ATXN2: variants seen among roughly 807,000 people sequenced by gnomAD.
ATXN2 encodes the protein ataxin 2, also known as ataxin-2.
A neutral mutation model predicts 138.6 loss-of-function variants in ATXN2; 37 were observed. That is an observed-to-expected ratio of 0.27 (90% CI 0.21 to 0.35). ATXN2 has a LOEUF of 0.35. ATXN2 is among the 10% of genes least tolerant of loss of function. The pLI, the probability that ATXN2 is intolerant of heterozygous loss-of-function variation, is 1.00. For synonymous variants in ATXN2, 549 were observed against 543.7 expected (o/e 1.01, Z -0.13); for missense variants, 1,216 against 1,480.3 (o/e 0.82, Z 2.93).
intron 6 of ATXN2, 45 bp downstream of exon 6, chr12:111,525,147 T>A: frequency 2.5e-6 from 4 of 1,576,404 alleles, no homozygotes; most frequent in Non-Finnish European, 3.4e-6. Flanking sequence ...TGACAGGATG[T>A]CATACTGACC....
chr12:111,552,755 G>A lies in ATXN2; in HGVS notation c.420+151C>T. 1.7e-6 allele frequency: 1 copy of A among 585,864 alleles called. No individual in the cohort carries two copies. Among genetic ancestry groups the A allele is most frequent in the South Asian group, 2.5e-5 (1 of 40,816 alleles). The allele number at this position is 585,864 out of a possible 1,614,324, so 36.3% of individuals were successfully genotyped here. A position where few individuals can be genotyped will look rare whatever the true frequency, so the allele number is the denominator to read the frequency against. On this transcript the variant is annotated intron_variant, in intron 4 of 24. Transcript: ENST00000673436. The surrounding 1 kb of genome is among the most constrained non-coding windows in gnomAD (Gnocchi z 4.1). The stretch of plus-strand genomic sequence containing the variant: ...TTTTAATAAGCACACACATCAAGAA[G>A]CCTCTCTGATTACACAAACCAGTCT...
chr12:111,477,422 T>C (rs1490278014), intron 18 of ATXN2, among the ~76,000 whole-genome samples: 1 of 151,928 alleles, frequency 6.6e-6, no homozygotes, highest in Non-Finnish European at 1.5e-5. Flanking sequence ...CGAGTAAATA[T>C]TTATGGTGGA....
chr12:111,524,579 T>C (rs1880378807), intron 6 of ATXN2, among the ~76,000 whole-genome samples: 1 of 152,310 alleles, frequency 6.6e-6, no homozygotes, highest in Admixed American at 6.5e-5. Context: ...TGCAGGCATG[T>C]GCCAGCATAC....
At chr12:111,569,169 C>A (rs1488221941) in intron 1 of ATXN2, among the ~76,000 whole-genome samples, 1 of 152,176 alleles carries the variant, frequency 6.6e-6, no homozygotes, top group Non-Finnish European at 1.5e-5. Flanking sequence ...GGTTCAAATT[C>A]CGGCTCCATC....
intron 5 of ATXN2, among the ~76,000 whole-genome samples, chr12:111,535,490 C>T (rs570521516): frequency 2.6e-5 from 4 of 151,908 alleles, no homozygotes; most frequent in East Asian, 2.0e-4. Flanking sequence ...GGCATGGTGG[C>T]GCGCGCCTGT....
intron 14 of ATXN2, among the ~76,000 whole-genome samples, chr12:111,505,045 G>A (rs1033161711): frequency 4.6e-5 from 7 of 152,074 alleles, no homozygotes; most frequent in African/African-American, 1.4e-4. Context: ...GCAACATGGC[G>A]AAATTCTGTC....
At chr12:111,520,461 G>A (rs903426944) in intron 7 of ATXN2, among the ~76,000 whole-genome samples, 10 of 152,090 alleles carry the variant, frequency 6.6e-5, no homozygotes, top group African/African-American at 2.4e-4. Context: ...GACTATCCTG[G>A]CCAACATGGT....
intron 18 of ATXN2, among the ~76,000 whole-genome samples, chr12:111,473,485 A>G (rs1310746435): frequency 2.6e-5 from 4 of 152,160 alleles, no homozygotes; most frequent in African/African-American, 9.7e-5. Flanking sequence ...TGGATATGGG[A>G]AAGTTTTTCT....
intron 14 of ATXN2, among the ~76,000 whole-genome samples, chr12:111,507,966 CTCG>C: frequency 6.6e-6 from 1 of 152,236 alleles, no homozygotes; most frequent in South Asian, 2.1e-4. Context: ...AGGCAGCATG[CTCG>C]TTAAGAGTCA....
At chr12:111,454,939 T>TC (rs1157819421) in intron 23 of ATXN2, 2 of 669,268 alleles carry the variant, frequency 3.0e-6, no homozygotes, top group Non-Finnish European at 5.5e-6. Context: ...CCGGCTTCCC[T>TC]CCCCACTATC....
chr12:111,501,251 T>C (rs1257917898), intron 14 of ATXN2, among the ~76,000 whole-genome samples: 1 of 152,146 alleles, frequency 6.6e-6, no homozygotes, highest in Non-Finnish European at 1.5e-5. Context: ...GTTTTTAAGT[T>C]TGCAGACCAG....
rs1464967152 is a variant in ATXN2 at position 111,516,648 on chromosome 12, A to C, written c.1166-285T>G. On this transcript the variant is annotated intron_variant, in intron 9 of 24. Coordinates refer to ENST00000673436, the MANE Select transcript of ATXN2 (RefSeq NM_001372574.1). The surrounding 1 kb of genome is among the most constrained non-coding windows in gnomAD (Gnocchi z 5.0). ...GAAGAAGACAGTTAAGACTTTGCCT[A>C]TTAATCCTGCTTCTATAACTGTTTC... Among the ~76,000 whole-genome samples the C allele has an allele frequency of 6.6e-6, 1 of 152,214 alleles. No homozygotes were observed. Among genetic ancestry groups the C allele is most frequent in the Non-Finnish European group, 1.5e-5 (1 of 68,044 alleles).
At chr12:111,510,137 G>A in intron 12 of ATXN2, 139 bp from the exon 13 acceptor site, 1 of 748,600 alleles carries the variant, frequency 1.3e-6, no homozygotes, top group Non-Finnish European at 2.1e-6. Context: ...CTTTGCAGAT[G>A]TCATATGAAA....
intron 10 of ATXN2, among the ~76,000 whole-genome samples, chr12:111,514,726 G>A (rs567265146): frequency 8.5e-5 from 13 of 152,188 alleles, no homozygotes; most frequent in African/African-American, 3.1e-4. Flanking sequence ...GACCTCAAGT[G>A]ATCCACCTGC....
intron 14 of ATXN2, among the ~76,000 whole-genome samples, chr12:111,494,032 G>A (rs1193562919): frequency 6.6e-6 from 1 of 152,032 alleles, no homozygotes; most frequent in African/African-American, 2.4e-5. Flanking sequence ...CTGGGTTCAA[G>A]TGATTCTCCT....
intron 6 of ATXN2, among the ~76,000 whole-genome samples, chr12:111,524,390 T>C (rs1306483924): frequency 1.3e-5 from 2 of 152,204 alleles, no homozygotes. Context: ...TAACACTCAT[T>C]TTTGGCAAGA....
chr12:111,547,581 C>G (rs148669254), intron 5 of ATXN2, among the ~76,000 whole-genome samples: 6 of 149,396 alleles, frequency 4.0e-5, no homozygotes, highest in Admixed American at 2.7e-4. Context: ...CAAAGTTAGC[C>G]GGGCATGGTG....
intron 1 of ATXN2, among the ~76,000 whole-genome samples, chr12:111,558,452 T>C (rs939352580): frequency 1.3e-5 from 2 of 152,206 alleles, no homozygotes; most frequent in African/African-American, 2.4e-5. Context: ...CTTTTAATAG[T>C]TGCCAAATAT....
chr12:111,460,402 T>C (rs372994174), intron 21 of ATXN2, among the ~76,000 whole-genome samples: 1 of 152,290 alleles, frequency 6.6e-6, no homozygotes, highest in African/African-American at 2.4e-5. Context: ...TAGTGATGTC[T>C]ACAGTTGTCC....
Sources: gnomAD v4.1 joint callset for allele counts (sites outside exome capture counted in the v4.1 genomes callset) on GRCh38, gnomAD v4.1.1 for gene constraint, Gnocchi (gnomAD v3.1) non-coding constraint, MANE v1.5 for transcripts, NCBI Gene and HGNC (gene_info 2026-07-23, HGNC 2026-07-21) for gene names.